MOB1B: variants seen among roughly 807,000 people sequenced by gnomAD.
The protein encoded by MOB1B is MOB1 Mps One Binder homolog B.
In MOB1B, 19 loss-of-function variants were observed where a neutral mutation model predicts 24.4. That is an observed-to-expected ratio of 0.78 (90% CI 0.54 to 1.14). The LOEUF (loss-of-function observed/expected upper bound fraction) is 1.14. Ranked by LOEUF, MOB1B falls within the 50% of genes most tolerant of loss-of-function variation. The pLI is 0.00. For synonymous variants in MOB1B, 76 were observed against 82.1 expected (o/e 0.93, Z 0.40); for missense variants, 243 against 259.6 (o/e 0.94, Z 0.44).
chr4:70,961,465 A>G (rs1188852001), intron 2 of MOB1B, among the ~76,000 whole-genome samples: 2 of 152,208 alleles, frequency 1.3e-5, no homozygotes, highest in Non-Finnish European at 2.9e-5. Context: ...TTTCCATTTA[A>G]TATTTTCAGC....
At position 70,975,302 on chromosome 4, in the gene MOB1B, G is replaced by A; in HGVS notation, c.409+16G>A. 1 of 1,608,534 alleles carries A rather than the reference G, an allele frequency of 6.2e-7. No individual in the cohort carries two copies. The highest frequency in any genetic ancestry group is 8.5e-7 in the Non-Finnish European group (1 of 1,178,308). Reference sequence around the variant, plus strand: ...TCAAAAATTGGTATAATTAATTTTTGTAAGGGGGATCCATCATGATTTATC... The same window carrying A: ...TCAAAAATTGGTATAATTAATTTTTATAAGGGGGATCCATCATGATTTATC... On this transcript the variant is annotated intron_variant, in intron 4 of 5. Coordinates refer to ENST00000309395, the MANE Select transcript of MOB1B (RefSeq NM_173468.4).
chr4:70,965,540 G>A (rs1423392384), intron 2 of MOB1B, among the ~76,000 whole-genome samples: 1 of 151,650 alleles, frequency 6.6e-6, no homozygotes, highest in East Asian at 1.9e-4. Context: ...GCTCACGCCT[G>A]TAATCCCAGC....
intron 3 of MOB1B, among the ~76,000 whole-genome samples, chr4:70,973,246 G>A (rs549507232): frequency 7.2e-5 from 11 of 152,152 alleles, no homozygotes; most frequent in African/African-American, 2.2e-4. Context: ...TTGATTGTGA[G>A]GGAAGGTTAA....
intron 1 of MOB1B, among the ~76,000 whole-genome samples, chr4:70,924,260 C>A (rs561847517): frequency 6.6e-6 from 1 of 152,140 alleles, no homozygotes; most frequent in Non-Finnish European, 1.5e-5. Context: ...TTCTCACTAA[C>A]CCTTCTCCAT....
intron 1 of MOB1B, among the ~76,000 whole-genome samples, chr4:70,933,542 CTTTTTTTTTTT>C (rs34950388): frequency 1.4e-4 from 13 of 91,616 alleles, no homozygotes; most frequent in African/African-American, 4.2e-4. Context: ...AAAAATAACT[CTTTTTTTTTTT>C]TTTTTTTTTT....
intron 4 of MOB1B, chr4:70,976,634 A>G: frequency 2.0e-6 from 2 of 980,130 alleles, no homozygotes; most frequent in Non-Finnish European, 2.4e-6. Flanking sequence ...TTTTTTTGAA[A>G]AAAAAATGTG....
At chr4:70,904,825 A>C (rs1474170259) in intron 1 of MOB1B, among the ~76,000 whole-genome samples, 2 of 152,018 alleles carry the variant, frequency 1.3e-5, no homozygotes, top group African/African-American at 2.4e-5. Flanking sequence ...GGGATGGAGA[A>C]GTTTCTGATG....
Position 70,918,632 on chromosome 4 carries a change from T to C in MOB1B, c.14+16082T>C, listed in dbSNP as rs1026131438. 4.6e-5 allele frequency among the ~76,000 whole-genome samples: 7 copies of C among 152,046 alleles called. 1 individual carries two copies. Among genetic ancestry groups the C allele is most frequent in the African/African-American group, 1.4e-4 (6 of 41,462 alleles). ...TAGGTTGCGAAAATTTTCTCCCATT[T>C]TGTAGGTTGCCTGTTCACTCTGATG... On this transcript the variant is annotated intron_variant, in intron 1 of 5. Coordinates refer to ENST00000309395, the MANE Select transcript of MOB1B (RefSeq NM_173468.4).
chr4:70,957,099 T>G (rs1738090401), intron 1 of MOB1B, among the ~76,000 whole-genome samples: 2 of 145,066 alleles, frequency 1.4e-5, no homozygotes, highest in Non-Finnish European at 3.0e-5. Context: ...ATTGTTTATG[T>G]GTTTTTTTTT....
At chr4:70,935,273 G>A (rs954708048) in intron 1 of MOB1B, among the ~76,000 whole-genome samples, 1 of 152,130 alleles carries the variant, frequency 6.6e-6, no homozygotes, top group Non-Finnish European at 1.5e-5. Context: ...AAAAACTTCA[G>A]ATAAGAAAGG....
At chr4:70,914,630 C>T (rs150990798) in intron 1 of MOB1B, among the ~76,000 whole-genome samples, 7 of 152,308 alleles carry the variant, frequency 4.6e-5, no homozygotes, top group African/African-American at 1.7e-4. Flanking sequence ...GTATATTAAA[C>T]GAGTTCACAT....
intron 1 of MOB1B, 122 bp from the exon 2 acceptor site, chr4:70,958,752 G>GT: frequency 3.1e-6 from 3 of 976,744 alleles, no homozygotes; most frequent in Non-Finnish European, 4.9e-6. Context: ...GAGCACAGTA[G>GT]TTACAGCAAT....
chr4:70,961,077 C>T (rs1467993908), intron 2 of MOB1B, among the ~76,000 whole-genome samples: 1 of 151,888 alleles, frequency 6.6e-6, no homozygotes, highest in Non-Finnish European at 1.5e-5. Flanking sequence ...CTATACACTA[C>T]GTACCTATGA....
At chr4:70,911,218 A>C (rs12512502) in intron 1 of MOB1B, among the ~76,000 whole-genome samples, 75,744 of 151,940 alleles carry the variant, frequency 0.5, 21,447 homozygotes, top group Non-Finnish European at 0.62. Context: ...TTTCTGCAAC[A>C]TCATTTTGAA....
chr4:70,957,551 C>T (rs1738118693), intron 1 of MOB1B, among the ~76,000 whole-genome samples: 1 of 151,630 alleles, frequency 6.6e-6, no homozygotes, highest in Non-Finnish European at 1.5e-5. Context: ...CCTTTGGCTT[C>T]AGCCTCCTTA....
At position 70,964,307 on chromosome 4, in the gene MOB1B, A is replaced by G. The variant is rs995042842; in HGVS notation, c.181+5267A>G. The stretch of plus-strand genomic sequence containing the variant: ...GCACATGACCTAAGCACCTAAGAGT[A>G]TATATATGTACATTTTCAAAAATGG... On this transcript the variant is annotated intron_variant, in intron 2 of 5. Coordinates refer to ENST00000309395, the MANE Select transcript of MOB1B (RefSeq NM_173468.4). 5.9e-5 allele frequency among the ~76,000 whole-genome samples: 9 copies of G among 152,330 alleles called. No homozygotes were observed. In the South Asian group the frequency reaches 1.4e-3, roughly 25 times the overall value.
chr4:70,964,162 C>G (rs1318067306), intron 2 of MOB1B, among the ~76,000 whole-genome samples: 1 of 152,204 alleles, frequency 6.6e-6, no homozygotes, highest in East Asian at 1.9e-4. Flanking sequence ...TAGACAAATC[C>G]ATGGTCATAA....
chr4:70,945,468 A>G (rs1737535406), intron 1 of MOB1B, among the ~76,000 whole-genome samples: 1 of 152,236 alleles, frequency 6.6e-6, no homozygotes. Context: ...TAGTTAAAAT[A>G]CAAGATGCAT....
At chr4:70,960,226 T>C (rs1415076046) in intron 2 of MOB1B, among the ~76,000 whole-genome samples, 1 of 152,188 alleles carries the variant, frequency 6.6e-6, no homozygotes, top group Non-Finnish European at 1.5e-5. Flanking sequence ...AGTCATCTTA[T>C]GAAATTAGTA....
Sources: gnomAD v4.1 joint callset for allele counts (sites outside exome capture counted in the v4.1 genomes callset) on GRCh38, gnomAD v4.1.1 for gene constraint, MANE v1.5 for transcripts, NCBI Gene and HGNC (gene_info 2026-07-23, HGNC 2026-07-21) for gene names.